SMARCC1: variants seen among roughly 807,000 people sequenced by gnomAD.
SMARCC1 encodes SWI/SNF related BAF chromatin remodeling complex subunit C1.
SMARCC1 carries 43 observed loss-of-function variants against 147.4 expected under a neutral mutation model. The observed-to-expected ratio is 0.29, with a 90% CI of 0.23 to 0.38. The LOEUF (loss-of-function observed/expected upper bound fraction) is 0.38. Ranked by LOEUF, SMARCC1 falls within the 10% of genes least tolerant of loss-of-function variation. The pLI, the probability that SMARCC1 is intolerant of heterozygous loss-of-function variation, is 1.00. For missense variants in SMARCC1, 1,119 were observed against 1,381.1 expected, an observed-to-expected ratio of 0.81 and a Z score of 3.01; for synonymous variants, 495 against 484.4, an observed-to-expected ratio of 1.02 and a Z score of -0.29.
chr3:47,627,324 G>A (rs1294993175), intron 24 of SMARCC1, among the ~76,000 whole-genome samples: 10 of 151,912 alleles, frequency 6.6e-5, no homozygotes, highest in Admixed American at 5.9e-4. Context: ...CTCTAGTCAT[G>A]AGGAAATAGA....
chr3:47,672,254 G>T (rs2033511046), intron 18 of SMARCC1, among the ~76,000 whole-genome samples: 1 of 151,194 alleles, frequency 6.6e-6, no homozygotes, highest in Non-Finnish European at 1.5e-5. Context: ...TCGCTCTGTT[G>T]CCCAGGCTGG....
chr3:47,736,247 T>C (rs2034441790), intron 4 of SMARCC1, 121 bp from the exon 5 acceptor site: 1 of 582,924 alleles, frequency 1.7e-6, no homozygotes, highest in South Asian at 2.2e-5. Context: ...TTGAGAAGCA[T>C]GACCTAAAGA....
chr3:47,771,169 A>T (rs1252347618), intron 2 of SMARCC1, among the ~76,000 whole-genome samples: 1 of 152,136 alleles, frequency 6.6e-6, no homozygotes, highest in East Asian at 1.9e-4. Flanking sequence ...TCAGCCTCCC[A>T]AAGTGCTGGG....
At chr3:47,604,399 C>A in intron 26 of SMARCC1, 1 of 412,568 alleles carries the variant, frequency 2.4e-6, no homozygotes, top group Non-Finnish European at 4.8e-6. Flanking sequence ...GAGCCAAATA[C>A]CAAAGACAGC....
intron 4 of SMARCC1, among the ~76,000 whole-genome samples, chr3:47,736,855 A>C (rs2034450140): frequency 6.6e-6 from 1 of 152,186 alleles, no homozygotes; most frequent in South Asian, 2.1e-4. Flanking sequence ...TATTAAGTTA[A>C]CAATAATATC....
chr3:47,622,222 G>C lies in SMARCC1; in HGVS notation c.2766C>G (p.Asp922Glu), dbSNP rs771650118. The C allele has an allele frequency of 6.2e-7, 1 of 1,605,038 alleles. No homozygotes were observed. The highest frequency in any genetic ancestry group is 8.5e-7 in the Non-Finnish European group (1 of 1,177,974). The change falls in exon 25 of 28, where the codon GAC (aspartate) becomes GAG (glutamate). Residue 922 changes from aspartate (D) to glutamate (E), a missense_variant. Physicochemically the swap from Asp to Glu is conservative, Grantham distance 45. Transcript: ENST00000254480. Reference sequence around the variant, plus strand: ...AAATACTTACAGCTTCTTTCTCTCTGTCCATGATAGTTTCCAGCTCTTCAA... The same window carrying C: ...AAATACTTACAGCTTCTTTCTCTCTCTCCATGATAGTTTCCAGCTCTTCAA... ...RHFEELETIM[D>E]REKEALEQQR...
chr3:47,633,013 A>C (rs1033285648), intron 24 of SMARCC1, among the ~76,000 whole-genome samples: 2 of 151,868 alleles, frequency 1.3e-5, no homozygotes, highest in Admixed American at 6.6e-5. Flanking sequence ...AATGAGACAG[A>C]CTAGTGATTA....
chr3:47,633,144 G>C (rs986228332), intron 24 of SMARCC1, among the ~76,000 whole-genome samples: 1 of 152,142 alleles, frequency 6.6e-6, no homozygotes, highest in Non-Finnish European at 1.5e-5. Flanking sequence ...ATTCACAAAG[G>C]TGTAGGCTTC....
chr3:47,663,396 A>G (rs1294488252), intron 19 of SMARCC1, among the ~76,000 whole-genome samples: 1 of 152,206 alleles, frequency 6.6e-6, no homozygotes, highest in Non-Finnish European at 1.5e-5. Context: ...AAACTGAACT[A>G]TATTTCCATA....
intron 25 of SMARCC1, among the ~76,000 whole-genome samples, chr3:47,618,208 T>C (rs557587687): frequency 6.6e-6 from 1 of 152,290 alleles, no homozygotes; most frequent in African/African-American, 2.4e-5. Context: ...AAAATATTTA[T>C]GAAATATTGT....
chr3:47,588,419 A>C, intron 27 of SMARCC1, 113 bp from the exon 28 acceptor site: 1 of 893,680 alleles, frequency 1.1e-6, no homozygotes, highest in Non-Finnish European at 1.8e-6. Flanking sequence ...GCAGGCAACC[A>C]ATGCACCCTG....
At position 47,633,817 on chromosome 3, in the gene SMARCC1, C is replaced by CACACACACACACAT. The variant is rs1406763088; in HGVS notation, c.2646+1372_2646+1373insATGTGTGTGTGTGT. Among the ~76,000 whole-genome samples the CACACACACACACAT allele has an allele frequency of 2.7e-3, 337 of 125,360 alleles. 4 individuals are homozygous for CACACACACACACAT. The highest frequency in any genetic ancestry group is 4.2e-3 in the Non-Finnish European group (251 of 59,798). 82.2% of individuals were successfully genotyped at this position (125,360 alleles called of 152,430 possible). On this transcript the variant is annotated intron_variant, in intron 24 of 27. Coordinates refer to ENST00000254480, the MANE Select transcript of SMARCC1 (RefSeq NM_003074.4). ...ACACACACACACACACACACACACA[C>CACACACACACACAT]ATATATATAAAATGTGAGAGACTAT...
chr3:47,672,245 C>G (rs938017784), intron 18 of SMARCC1, among the ~76,000 whole-genome samples: 6 of 151,678 alleles, frequency 4.0e-5, no homozygotes, highest in Non-Finnish European at 8.8e-5. Flanking sequence ...GATGGAGTCT[C>G]GCTCTGTTGC....
At chr3:47,655,172 T>C (rs1432989999) in intron 21 of SMARCC1, among the ~76,000 whole-genome samples, 2 of 152,222 alleles carry the variant, frequency 1.3e-5, no homozygotes, top group African/African-American at 4.8e-5. Flanking sequence ...TTATATGATA[T>C]GTTCTGTAGA....
At chr3:47,649,231 C>T (rs2033157057) in intron 21 of SMARCC1, among the ~76,000 whole-genome samples, 1 of 152,148 alleles carries the variant, frequency 6.6e-6, no homozygotes, top group Admixed American at 6.5e-5. Context: ...AGGGTGTTTT[C>T]ACACATGGTG....
intron 26 of SMARCC1, among the ~76,000 whole-genome samples, chr3:47,592,711 G>A (rs893548550): frequency 6.6e-6 from 1 of 152,050 alleles, no homozygotes; most frequent in African/African-American, 2.4e-5. Flanking sequence ...CGATCCCCCT[G>A]CCTCAGCCTC....
intron 5 of SMARCC1, among the ~76,000 whole-genome samples, chr3:47,735,305 T>A (rs758962023): frequency 1.3e-5 from 2 of 152,124 alleles, no homozygotes; most frequent in Non-Finnish European, 2.9e-5. Flanking sequence ...AATGCTACTC[T>A]AGGCTAAAAG....
intron 9 of SMARCC1, among the ~76,000 whole-genome samples, chr3:47,709,826 C>T (rs1271233789): frequency 2.0e-5 from 3 of 152,190 alleles, no homozygotes; most frequent in Admixed American, 6.5e-5. Flanking sequence ...ACACCTACCA[C>T]ACAAGTTGTC....
At chr3:47,720,636 A>G (rs2034221011) in intron 7 of SMARCC1, 30 bp downstream of exon 7, 1 of 1,401,176 alleles carries the variant, frequency 7.1e-7, no homozygotes, top group African/African-American at 1.4e-5. Flanking sequence ...AGAAATCTTT[A>G]TACCAGGTCT....
Sources: allele counts gnomAD v4.1 joint callset (sites outside exome capture counted in the v4.1 genomes callset), GRCh38; gene constraint gnomAD v4.1.1; transcripts MANE v1.5; gene names NCBI Gene and HGNC (gene_info 2026-07-23, HGNC 2026-07-21).